TRPV1: variants seen among roughly 807,000 people sequenced by gnomAD.
TRPV1 encodes transient receptor potential cation channel subfamily V member 1, also known as OTRPC1.
In TRPV1, 82 loss-of-function variants were observed where a neutral mutation model predicts 82.3. The observed-to-expected ratio is 1.00, with a 90% CI of 0.83 to 1.20. TRPV1 has a LOEUF of 1.20. Ranked by LOEUF, TRPV1 falls within the 50% of genes most tolerant of loss-of-function variation. The pLI is 0.00. For missense variants in TRPV1, 1,067 were observed against 1,096.8 expected, an observed-to-expected ratio of 0.97 and a Z score of 0.38; for synonymous variants, 515 against 467.7, an observed-to-expected ratio of 1.10 and a Z score of -1.30.
intron 9 of TRPV1, among the ~76,000 whole-genome samples, chr17:3,584,408 A>AAC (rs2075058508): frequency 1.2e-5 from 1 of 82,420 alleles, no homozygotes; most frequent in Non-Finnish European, 2.3e-5. Context: ...GTCTCAAAAA[A>AAC]AAAAAAAATA....
Position 3,588,221 on chromosome 17 carries a change from C to T in TRPV1, c.1191G>A (p.Leu397=). The T allele has an allele frequency of 6.3e-7, 1 of 1,575,028 alleles. No homozygotes were observed. The highest frequency in any genetic ancestry group is 2.4e-5 in the East Asian group (1 of 42,442). The change falls in exon 8 of 17, where the codon CTG becomes CTA. Residue 397 remains leucine, a synonymous_variant. Coordinates refer to ENST00000572705, the MANE Select transcript of TRPV1 (RefSeq NM_080704.4). ...CIDTCEKNSV[L]EVIAYSSSET... is the part of the protein sequence containing the mutation. The stretch of plus-strand genomic sequence containing the variant: ...CGCTGCTGCTGTAGGCGATCACCTC[C>T]AGCACCGAGTTCTTCTCGCAGGTGT...
chr17:3,577,912 G>A lies in TRPV1; in HGVS notation c.1548-149C>T, dbSNP rs370869499. The A allele has an allele frequency of 1.8e-4, 124 of 687,220 alleles. No individual in the cohort carries two copies. In the East Asian group the frequency reaches 2.6e-3, roughly 14 times the overall value. 42.6% of individuals were successfully genotyped at this position (687,220 alleles called of 1,614,324 possible). On this transcript the variant is annotated intron_variant, in intron 11 of 16. Coordinates refer to ENST00000572705, the MANE Select transcript of TRPV1 (RefSeq NM_080704.4). Reference sequence around the variant, plus strand: ...CTGTCCTGACTCTTTCAGCCCAGGCGTTCTCCGTGGAAGCAGCATCGTCCC... The same window carrying A: ...CTGTCCTGACTCTTTCAGCCCAGGCATTCTCCGTGGAAGCAGCATCGTCCC...
chr17:3,593,848 G>A (rs1178720568), intron 2 of TRPV1, among the ~76,000 whole-genome samples: 1 of 152,214 alleles, frequency 6.6e-6, no homozygotes, highest in Admixed American at 6.5e-5. Context: ...GTACTGGCCT[G>A]GGCGCGTGGC....
Position 3,585,910 on chromosome 17 carries a change from A to AATC in TRPV1, c.1240_1241insGAT (p.Leu414delinsArgPhe). ...GAGTCGGTTCAGCGGCTCCACCAAG[A>AATC]GCATGTCGTGGCGATTCTAGGGGGT... On this transcript the variant is annotated protein_altering_variant, in exon 9 of 17. Coordinates refer to ENST00000572705, the MANE Select transcript of TRPV1 (RefSeq NM_080704.4). 6.2e-7 allele frequency: 1 copy of AATC among 1,613,790 alleles called. No individual in the cohort carries two copies.
intron 2 of TRPV1, among the ~76,000 whole-genome samples, chr17:3,596,342 G>A (rs1173048715): frequency 6.6e-6 from 1 of 152,108 alleles, no homozygotes; most frequent in Non-Finnish European, 1.5e-5. Flanking sequence ...AGCACCTCCC[G>A]CTCGCCACTG....
At chr17:3,602,679 C>A (rs529066643) in intron 2 of TRPV1, among the ~76,000 whole-genome samples, 1 of 152,188 alleles carries the variant, frequency 6.6e-6, no homozygotes, top group Non-Finnish European at 1.5e-5. Context: ...TGCTAAACAC[C>A]GCCACCGTCG....
chr17:3,592,393 C>T lies in TRPV1; in HGVS notation c.-33-10G>A, dbSNP rs1311243053. Reference sequence around the variant, plus strand: ...TGGCCCAGTGTGCAACCTGCAGCAGCCACCACGCCGGGGTTGACTCCCAAA... The same window carrying T: ...TGGCCCAGTGTGCAACCTGCAGCAGTCACCACGCCGGGGTTGACTCCCAAA... On this transcript the variant is annotated splice_polypyrimidine_tract_variant and intron_variant, in intron 2 of 16. Transcript: ENST00000572705. 1 of 1,544,692 alleles carries T rather than the reference C, an allele frequency of 6.5e-7. No individual in the cohort carries two copies. The highest frequency in any genetic ancestry group is 8.7e-7 in the Non-Finnish European group (1 of 1,145,254).
At chr17:3,601,709 G>A (rs979593620) in intron 2 of TRPV1, 1 of 149,938 alleles carries the variant, frequency 6.7e-6, no homozygotes, top group Non-Finnish European at 1.5e-5. Flanking sequence ...GGATCCTCCT[G>A]CCTCACCCTC....
At chr17:3,568,918 G>T (rs905404592) in intron 16 of TRPV1, among the ~76,000 whole-genome samples, 1 of 152,106 alleles carries the variant, frequency 6.6e-6, no homozygotes, top group Non-Finnish European at 1.5e-5. Flanking sequence ...CATATACACC[G>T]TGGAATACTA....
At chr17:3,592,827 C>T (rs925982011) in intron 2 of TRPV1, 2 of 171,864 alleles carry the variant, frequency 1.2e-5, no homozygotes, top group African/African-American at 4.8e-5. Context: ...GAGGATGGCT[C>T]AGTCCAGAAG....
rs767875785 is a variant in TRPV1 at position 3,590,104 on chromosome 17, A to C, written c.747T>G (p.Gly249=). The change falls in exon 7 of 17, where the codon GGT becomes GGG. Residue 249 remains glycine (G), a splice_region_variant and synonymous_variant. Coordinates refer to ENST00000572705, the MANE Select transcript of TRPV1 (RefSeq NM_080704.4). ...KTKGRPGFYF[G]ELPLSLAACT... is the part of the protein sequence containing the mutation. ...ACGCGGCCAGGGACAGGGGCAGTTC[A>C]CCTGCATGAACACAGGGCCCAGGTG... The C allele has an allele frequency of 1.2e-6, 2 of 1,602,916 alleles. No homozygotes were observed. The highest frequency in any genetic ancestry group is 2.7e-5 in the African/African-American group (2 of 74,750).
Position 3,591,146 on chromosome 17 carries a change from GCCAGGGCTGGGGCCCTCCCCGAGC to G in TRPV1, c.451+17_452-31del. On this transcript the variant is annotated intron_variant, in intron 4 of 16. Coordinates refer to ENST00000572705, the MANE Select transcript of TRPV1 (RefSeq NM_080704.4). ...AAGACATAAGGGAGGGTCAGGGCAG[GCCAGGGCTGGGGCCCTCCCCGAGC>G]CCAGCGCTGGGGCCACCTTTGAACT... is the stretch of plus-strand genomic sequence containing the variant. 1.2e-6 allele frequency: 2 copies of G among 1,609,932 alleles called. No individual in the cohort carries two copies. The highest frequency in any genetic ancestry group is 8.5e-7 in the Non-Finnish European group (1 of 1,178,276).
chr17:3,600,450 G>A (rs555871622), intron 2 of TRPV1, among the ~76,000 whole-genome samples: 3 of 152,098 alleles, frequency 2.0e-5, no homozygotes, highest in South Asian at 2.1e-4. Context: ...TTAGCTGGGC[G>A]TGGTGGTGCA....
At position 3,602,402 on chromosome 17, in the gene TRPV1, A is replaced by ATGGTGG. The variant is rs1480429128; in HGVS notation, c.-34+6024_-34+6025insCCACCA. On this transcript the variant is annotated intron_variant, in intron 2 of 16. Transcript: ENST00000572705. ...GCACCTTCACGGAGTGATTCCACTA[A>ATGGTGG]AACTCTCGACATGGTGGCGGGGACA... 6.6e-5 allele frequency: 10 copies of ATGGTGG among 152,230 alleles called. No homozygotes were observed. The East Asian group carries it at 1.9e-3, about 29-fold the overall frequency. The allele number at this position is 152,230 out of a possible 1,614,324, so 9.4% of individuals were successfully genotyped here. A position where few individuals can be genotyped will look rare whatever the true frequency, so the allele number is the denominator to read the frequency against.
intron 13 of TRPV1, among the ~76,000 whole-genome samples, chr17:3,576,668 A>AAAAAAAAAAAAAATATATAT: frequency 5.7e-4 from 22 of 38,412 alleles, no homozygotes; most frequent in South Asian, 1.3e-3. Flanking sequence ...AAAAAAAAAA[A>AAAAAAAAAAAAAATATATAT]ATATATATAT....
intron 1 of TRPV1, 57 bp from the exon 2 acceptor site, chr17:3,608,622 T>C (rs2075315763): frequency 6.6e-6 from 1 of 152,204 alleles, no homozygotes. Flanking sequence ...ATTTTCCATT[T>C]AATATTGTCA....
chr17:3,604,899 T>A (rs2075287334), intron 2 of TRPV1, among the ~76,000 whole-genome samples: 1 of 152,132 alleles, frequency 6.6e-6, no homozygotes, highest in South Asian at 2.1e-4. Flanking sequence ...AACCCCACTG[T>A]CTACAGGAGA....
At chr17:3,590,886 G>A in intron 5 of TRPV1, 78 bp downstream of exon 5, 2 of 1,469,790 alleles carry the variant, frequency 1.4e-6, no homozygotes, top group Non-Finnish European at 1.8e-6. Flanking sequence ...GAGAAGCAAG[G>A]AGGCCCAGGG....
intron 10 of TRPV1, among the ~76,000 whole-genome samples, chr17:3,580,736 GC>G (rs2074996872): frequency 6.6e-6 from 1 of 152,238 alleles, no homozygotes; most frequent in Admixed American, 6.5e-5. Flanking sequence ...CACAGTGGAA[GC>G]CGGGCATGGT....
Sources: allele counts gnomAD v4.1 joint callset (sites outside exome capture counted in the v4.1 genomes callset), GRCh38; gene constraint gnomAD v4.1.1; transcripts MANE v1.5; gene names NCBI Gene and HGNC (gene_info 2026-07-23, HGNC 2026-07-21).